The following NLGN1 variants were observed in gnomAD, a reference collection of about 807,000 sequenced individuals.
NLGN1 encodes the protein neuroligin 1, also known as neuroligin-1.
In NLGN1, 12 loss-of-function variants were observed where a neutral mutation model predicts 65.5. That is an observed-to-expected ratio of 0.18 (90% confidence interval 0.12 to 0.30). NLGN1 has a LOEUF of 0.30. Ranked by LOEUF, NLGN1 falls within the 10% of genes least tolerant of loss-of-function variation. The pLI, the probability that NLGN1 is intolerant of heterozygous loss-of-function variation, is 1.00. For missense variants in NLGN1, 750 were observed against 1,007.1 expected (o/e 0.74, Z 3.46); for synonymous variants, 350 against 359.5 (o/e 0.97, Z 0.30).
chr3:173,982,403 A>T (rs138041899), intron 4 of NLGN1, among the ~76,000 whole-genome samples: 95 of 152,252 alleles, frequency 6.2e-4, no homozygotes, highest in African/African-American at 2.2e-3. Flanking sequence ...AATAAGGCTG[A>T]CTAAAAAACA....
intron 2 of NLGN1, among the ~76,000 whole-genome samples, chr3:173,597,316 C>A (rs1024059324): frequency 6.6e-6 from 1 of 152,176 alleles, no homozygotes; most frequent in Admixed American, 6.5e-5. Context: ...CCACATTTTT[C>A]TCACCTCAAA....
At chr3:174,152,644 A>T (rs1401414779) in intron 4 of NLGN1, among the ~76,000 whole-genome samples, 2 of 151,826 alleles carry the variant, frequency 1.3e-5, no homozygotes, top group East Asian at 1.9e-4. Context: ...TTAAAGTATA[A>T]TAAAAATATA....
At position 173,602,386 on chromosome 3, in the gene NLGN1, C is replaced by T. The variant is rs189888276; in HGVS notation, c.-320-1893C>T. ...TTCTGAAAATTTTGGGGGGTCAATA[C>T]TATAGTTCTCCAAACATACAACATG... On this transcript the variant is annotated intron_variant, in intron 2 of 6. Coordinates refer to ENST00000457714, the Ensembl canonical transcript of NLGN1. Among the ~76,000 whole-genome samples, 5 of 152,038 alleles carry T rather than the reference C, an allele frequency of 3.3e-5. No homozygotes were observed. The East Asian group carries it at 9.7e-4, about 29-fold the overall frequency.
intron 3 of NLGN1, among the ~76,000 whole-genome samples, chr3:173,617,569 G>A (rs1303759285): frequency 6.6e-6 from 1 of 152,150 alleles, no homozygotes; most frequent in South Asian, 2.1e-4. Context: ...CCCAAATGAA[G>A]TAAATTTCAA....
chr3:174,039,213 A>G (rs1731756399), intron 4 of NLGN1, among the ~76,000 whole-genome samples: 1 of 151,984 alleles, frequency 6.6e-6, no homozygotes, highest in South Asian at 2.1e-4. Flanking sequence ...TTACCTTCAG[A>G]CGCAGAACAT....
intron 4 of NLGN1, among the ~76,000 whole-genome samples, chr3:173,810,636 T>C (rs562182326): frequency 2.6e-4 from 40 of 152,322 alleles, no homozygotes; most frequent in African/African-American, 9.1e-4. Context: ...TGTTTTTTGC[T>C]CTTTGATTTT....
intron 2 of NLGN1, among the ~76,000 whole-genome samples, chr3:173,515,886 A>G (rs988519165): frequency 1.3e-5 from 2 of 151,982 alleles, no homozygotes; most frequent in Non-Finnish European, 2.9e-5. Flanking sequence ...TGGACTCACT[A>G]TTCTGTTCCA....
At chr3:174,275,231 A>G in intron 4 of NLGN1, 84 bp from the exon 5 acceptor site, 1 of 994,336 alleles carries the variant, frequency 1.0e-6, no homozygotes, top group African/African-American at 1.6e-5. Flanking sequence ...ACCTTGATTA[A>G]TACAGGCTTC....
intron 2 of NLGN1, among the ~76,000 whole-genome samples, chr3:173,455,017 G>T (rs1376045759): frequency 6.6e-6 from 1 of 152,164 alleles, no homozygotes; most frequent in Non-Finnish European, 1.5e-5. Context: ...TGGCCAGTTG[G>T]TGGAGCAATC....
intron 2 of NLGN1, among the ~76,000 whole-genome samples, chr3:173,507,981 T>C (rs1284987897): frequency 6.6e-6 from 1 of 152,196 alleles, no homozygotes; most frequent in Non-Finnish European, 1.5e-5. Flanking sequence ...CCTCATTAAT[T>C]GAGAGGTACA....
At chr3:173,621,327 G>A (rs1387048721) in intron 3 of NLGN1, among the ~76,000 whole-genome samples, 3 of 152,278 alleles carry the variant, frequency 2.0e-5, no homozygotes, top group South Asian at 2.1e-4. Flanking sequence ...AACAGGCAGA[G>A]ATGTAGGGCT....
chr3:174,176,087 G>A (rs922283170), intron 4 of NLGN1, among the ~76,000 whole-genome samples: 1 of 151,790 alleles, frequency 6.6e-6, no homozygotes, highest in Non-Finnish European at 1.5e-5. Context: ...TCTGTTTTCA[G>A]GTCAGGTTTC....
chr3:174,226,395 C>T (rs1739702715), intron 4 of NLGN1, among the ~76,000 whole-genome samples: 1 of 152,056 alleles, frequency 6.6e-6, no homozygotes, highest in African/African-American at 2.4e-5. Context: ...GTGAGCCTAA[C>T]AGGTCATAGG....
chr3:173,824,443 C>G (rs569140066), intron 4 of NLGN1, among the ~76,000 whole-genome samples: 68 of 152,080 alleles, frequency 4.5e-4, no homozygotes, highest in African/African-American at 1.6e-3. Context: ...ATCAATTATG[C>G]CCTTGTTTAT....
chr3:173,863,229 G>T (rs1729496539), intron 4 of NLGN1, among the ~76,000 whole-genome samples: 1 of 150,994 alleles, frequency 6.6e-6, no homozygotes, highest in African/African-American at 2.4e-5. Flanking sequence ...AAATTAATGT[G>T]ATTGTTCTGG....
chr3:173,886,667 G>C (rs1370898784), intron 4 of NLGN1, among the ~76,000 whole-genome samples: 1 of 151,908 alleles, frequency 6.6e-6, no homozygotes, highest in Non-Finnish European at 1.5e-5. Context: ...TATAAAATAG[G>C]GATGAGTGTA....
intron 4 of NLGN1, among the ~76,000 whole-genome samples, chr3:174,203,074 A>T (rs1002946263): frequency 2.0e-5 from 3 of 152,176 alleles, no homozygotes; most frequent in Non-Finnish European, 4.4e-5. Context: ...AGATAAGTCT[A>T]TCTAATGTGC....
chr3:173,799,902 C>T (rs1463756391), intron 3 of NLGN1, among the ~76,000 whole-genome samples: 1 of 151,570 alleles, frequency 6.6e-6, no homozygotes, highest in Non-Finnish European at 1.5e-5. Flanking sequence ...TGAATTTGAC[C>T]TACTTTTTTA....
intron 3 of NLGN1, among the ~76,000 whole-genome samples, chr3:173,683,226 C>T (rs1189706294): frequency 6.6e-6 from 1 of 152,100 alleles, no homozygotes; most frequent in African/African-American, 2.4e-5. Context: ...TCATTTTTAT[C>T]CCGTTGTTGT....
Sources: allele counts gnomAD v4.1 joint callset (sites outside exome capture counted in the v4.1 genomes callset), GRCh38; gene constraint gnomAD v4.1.1; transcripts MANE v1.5; gene names NCBI Gene and HGNC (gene_info 2026-07-23, HGNC 2026-07-21).